ITSN1: variants seen among roughly 807,000 people sequenced by gnomAD.
The protein encoded by ITSN1 is intersectin 1, also known as intersectin-1.
In ITSN1, 58 loss-of-function variants were observed where a neutral mutation model predicts 239.8. That is an observed-to-expected ratio of 0.24 (90% CI 0.20 to 0.30). ITSN1 has a LOEUF of 0.30. Ranked by LOEUF, ITSN1 falls within the 10% of genes least tolerant of loss-of-function variation. ITSN1 has a pLI of 1.00. For missense variants in ITSN1, 1,558 were observed against 2,103.3 expected (o/e 0.74, Z 5.07); for synonymous variants, 780 against 770.8 (o/e 1.01, Z -0.20).
intron 1 of ITSN1, among the ~76,000 whole-genome samples, chr21:33,658,816 CTG>C (rs1199921587): frequency 6.6e-6 from 1 of 152,142 alleles, no homozygotes; most frequent in Admixed American, 6.5e-5. Context: ...GTCAGATAGT[CTG>C]TGGTATAATT....
At chr21:33,747,814 T>G (rs1212103132) in intron 5 of ITSN1, among the ~76,000 whole-genome samples, 10 of 152,194 alleles carry the variant, frequency 6.6e-5, no homozygotes, top group Admixed American at 6.5e-4. Context: ...TAGACCTACC[T>G]TAGAAGAAAT....
chr21:33,863,636 C>T (rs140752884), intron 31 of ITSN1, among the ~76,000 whole-genome samples: 1 of 152,118 alleles, frequency 6.6e-6, no homozygotes, highest in East Asian at 1.9e-4. Context: ...TCAAACAAAA[C>T]AAAACAAAAT....
chr21:33,814,837 A>T (rs892452750), intron 22 of ITSN1, among the ~76,000 whole-genome samples: 2 of 152,068 alleles, frequency 1.3e-5, no homozygotes, highest in African/African-American at 4.8e-5. Flanking sequence ...GCAGGCCTGG[A>T]CCCAGCTGAG....
At chr21:33,795,236 G>C (rs2071448109) in intron 17 of ITSN1, among the ~76,000 whole-genome samples, 1 of 152,150 alleles carries the variant, frequency 6.6e-6, no homozygotes, top group Admixed American at 6.5e-5. Flanking sequence ...GGATCACGAG[G>C]TCAAGATATT....
intron 8 of ITSN1, among the ~76,000 whole-genome samples, chr21:33,758,331 T>G (rs2068063960): frequency 6.6e-6 from 1 of 152,182 alleles, no homozygotes; most frequent in African/African-American, 2.4e-5. Context: ...CCCAGGCTGG[T>G]CTCGAACTCC....
chr21:33,847,816 C>A (rs148943373), intron 29 of ITSN1, among the ~76,000 whole-genome samples: 1 of 152,200 alleles, frequency 6.6e-6, no homozygotes, highest in Non-Finnish European at 1.5e-5. Flanking sequence ...AAATCCCACC[C>A]GCTTTTCGCG....
Position 33,818,580 on chromosome 21 carries a change from T to C in ITSN1, c.2933+108T>C, listed in dbSNP as rs574151072. On this transcript the variant is annotated intron_variant, in intron 23 of 39. Transcript: ENST00000381318. Reference sequence around the variant, plus strand: ...ACAGGAGTTGCGGGATTAGTTTGTCTTCTAGATCTTTTAACTGCAAAAGTT... The same window carrying C: ...ACAGGAGTTGCGGGATTAGTTTGTCCTCTAGATCTTTTAACTGCAAAAGTT... 8 of 961,464 alleles carry C rather than the reference T, an allele frequency of 8.3e-6. 1 individual carries two copies. Among genetic ancestry groups the C allele is most frequent in the African/African-American group, 6.5e-5 (4 of 61,372 alleles). The allele number at this position is 961,464 out of a possible 1,614,324, so 59.6% of individuals were successfully genotyped here.
In ITSN1 at chr21:33,836,472, C is replaced by T. The variant is rs372670164; in HGVS notation, c.3501C>T (p.Thr1167=). The T allele has an allele frequency of 5.2e-5, 84 of 1,613,130 alleles. No homozygotes were observed. In the Middle Eastern group the frequency reaches 9.9e-4, roughly 19 times the overall value. ...AGGTGATTGGGATGTACGACTACAC[C>T]GCGCAGAATGACGATGAGCTGGCCT... The part of the protein sequence containing the change: ...VCQVIGMYDY[T]AQNDDELAFN... The change falls in exon 29 of 40, where the codon ACC becomes ACT. Residue 1167 remains threonine, a synonymous_variant. Coordinates refer to ENST00000381318, the MANE Select transcript of ITSN1 (RefSeq NM_003024.3).
intron 1 of ITSN1, among the ~76,000 whole-genome samples, chr21:33,663,938 A>G (rs2089746314): frequency 6.6e-6 from 1 of 152,152 alleles, no homozygotes; most frequent in Non-Finnish European, 1.5e-5. Flanking sequence ...GTTATTTAAA[A>G]GATTTTGTAG....
rs531936088 is a variant in ITSN1 at position 33,739,694 on chromosome 21, G to A, written c.346+4490G>A. ...GAGCCATGTGAAGACCTAGGGGAGAGGCCTTCCAGGCTAAAGGAACTGCAC... is the reference window on the plus strand; with the variant it reads ...GAGCCATGTGAAGACCTAGGGGAGAAGCCTTCCAGGCTAAAGGAACTGCAC... On this transcript the variant is annotated intron_variant, in intron 5 of 39. Transcript: ENST00000381318. Among the ~76,000 whole-genome samples the A allele has an allele frequency of 2.6e-5, 4 of 152,322 alleles. No individual in the cohort carries two copies. In the East Asian group the frequency reaches 7.7e-4, roughly 29 times the overall value.
At chr21:33,842,778 C>T (rs1338742150) in intron 29 of ITSN1, among the ~76,000 whole-genome samples, 1 of 152,168 alleles carries the variant, frequency 6.6e-6, no homozygotes, top group African/African-American at 2.4e-5. Context: ...AAAAGCTGAA[C>T]AGTTCCTTCT....
intron 1 of ITSN1, among the ~76,000 whole-genome samples, chr21:33,702,004 G>T (rs1309232673): frequency 1.3e-5 from 2 of 151,806 alleles, no homozygotes; most frequent in East Asian, 3.9e-4. Context: ...GAGGGCGGAT[G>T]TTGCAATGAG....
At chr21:33,761,872 A>G (rs1265112648) in intron 8 of ITSN1, 51 bp from the exon 9 acceptor site, 3 of 1,314,120 alleles carry the variant, frequency 2.3e-6, no homozygotes, top group Admixed American at 1.7e-5. Context: ...CCTCCTGTAC[A>G]GTGAGTATTT....
Position 33,806,630 on chromosome 21 carries a change from G to A in ITSN1, c.2319+4186G>A, listed in dbSNP as rs541962508. 9.8e-5 allele frequency among the ~76,000 whole-genome samples: 15 copies of A among 152,350 alleles called. No homozygotes were observed. The East Asian group carries it at 2.7e-3, about 27-fold the overall frequency. On this transcript the variant is annotated intron_variant, in intron 20 of 39. Transcript: ENST00000381318. ...GTAATTACTAACATTTAGTAGAGCA[G>A]CTCTGTAACATAGTCCCAGAAATGT...
At chr21:33,847,983 ACTC>A (rs2075036726) in intron 29 of ITSN1, among the ~76,000 whole-genome samples, 1 of 150,026 alleles carries the variant, frequency 6.7e-6, no homozygotes, top group Non-Finnish European at 1.5e-5. Context: ...ATTTTTAAAA[ACTC>A]CTTGCGTGAC....
intron 16 of ITSN1, among the ~76,000 whole-genome samples, chr21:33,785,993 A>T (rs927114622): frequency 1.3e-5 from 2 of 152,218 alleles, no homozygotes; most frequent in Non-Finnish European, 2.9e-5. Flanking sequence ...ATAAGTCTGT[A>T]AAAACAGGGA....
intron 33 of ITSN1, among the ~76,000 whole-genome samples, chr21:33,871,704 G>T (rs1361609870): frequency 6.6e-6 from 1 of 151,738 alleles, no homozygotes; most frequent in Non-Finnish European, 1.5e-5. Context: ...TCGCGCCACT[G>T]CACTCCAGCC....
chr21:33,813,863 G>T lies in ITSN1; in HGVS notation c.2568-50G>T, dbSNP rs1463437693. The T allele has an allele frequency of 2.7e-6, 4 of 1,506,408 alleles. No individual in the cohort carries two copies. The African/African-American group carries it at 5.7e-5, about 21-fold the overall frequency. 93.3% of individuals were successfully genotyped at this position (1,506,408 alleles called of 1,614,324 possible). ...GGTACTTTACTGTGGGTAAAAAGCTGGTATATTAGGGAGTGCTTGTTATTC... is the reference window on the plus strand; with the variant it reads ...GGTACTTTACTGTGGGTAAAAAGCTTGTATATTAGGGAGTGCTTGTTATTC... On this transcript the variant is annotated intron_variant, in intron 21 of 39. Coordinates refer to ENST00000381318, the MANE Select transcript of ITSN1 (RefSeq NM_003024.3).
intron 1 of ITSN1, among the ~76,000 whole-genome samples, chr21:33,688,202 A>C (rs1448094779): frequency 6.6e-6 from 1 of 152,298 alleles, no homozygotes; most frequent in South Asian, 2.1e-4. Flanking sequence ...GGCTAATATA[A>C]TACCATGAAG....
Sources: allele counts gnomAD v4.1 joint callset (sites outside exome capture counted in the v4.1 genomes callset), GRCh38; gene constraint gnomAD v4.1.1; transcripts MANE v1.5; gene names NCBI Gene and HGNC (gene_info 2026-07-23, HGNC 2026-07-21).